ACOT4: variants seen among roughly 807,000 people sequenced by gnomAD.
ACOT4 encodes acyl-CoA thioesterase 4.
Under a neutral mutation model 17.1 loss-of-function variants are expected in ACOT4, and 18 were observed. The ratio of observed to expected loss-of-function variants is 1.05; its 90% CI spans 0.73 to 1.56. ACOT4 has a LOEUF of 1.56. ACOT4 is among the 40% of genes most tolerant of loss of function. The probability of loss-of-function intolerance (pLI) is 0.00; values close to 1 mark genes in which losing one functional copy is unlikely to be tolerated. For synonymous variants in ACOT4, 234 were observed against 236.6 expected, an observed-to-expected ratio of 0.99 and a Z score of 0.10; for missense variants, 574 against 557.2, an observed-to-expected ratio of 1.03 and a Z score of -0.30.
chr14:73,592,659 A>C (rs4899472), intron 1 of ACOT4, among the ~76,000 whole-genome samples: 121,926 of 152,026 alleles, frequency 0.8, 49,731 homozygotes, highest in African/African-American at 0.95. Flanking sequence ...TTGAGACCAG[A>C]CTGGCCAGCA....
rs1420256731 is a variant in ACOT4 at position 73,592,403 on chromosome 14, C to G, written c.444C>G (p.Leu148=). Residue 148 remains leucine, a synonymous_variant, in exon 1 of 3, where the codon CTC becomes CTG. Coordinates refer to ENST00000326303, the MANE Select transcript of ACOT4 (RefSeq NM_152331.4). ...GAGCGGGCCGGGTGCGCGCCACGCT[C>G]TTCCTGCCGCCAGGTGAGCCAGGCT... ...SVRAGRVRAT[L]FLPPGPGPFP... is the part of the protein sequence containing the mutation. 1 of 1,531,578 alleles carries G rather than the reference C, an allele frequency of 6.5e-7. No individual in the cohort carries two copies. The highest frequency in any genetic ancestry group is 1.4e-5 in the African/African-American group (1 of 72,246). The allele number at this position is 1,531,578 out of a possible 1,614,324, so 94.9% of individuals were successfully genotyped here.
chr14:73,592,230 T>C lies in ACOT4; in HGVS notation c.271T>C (p.Trp91Arg). ...LWALEPEKPFWRFLKRDVQIP... is the reference protein window; with the variant it reads ...LWALEPEKPFRRFLKRDVQIP... Reference sequence around the variant, plus strand: ...GGCCCTGGAACCCGAGAAGCCTTTTTGGCGCTTCCTGAAGCGGGACGTACA... The same window carrying C: ...GGCCCTGGAACCCGAGAAGCCTTTTCGGCGCTTCCTGAAGCGGGACGTACA... Residue 91 changes from tryptophan (W) to arginine (R), a missense_variant, in exon 1 of 3, where the codon TGG (tryptophan) becomes CGG (arginine). Transcript: ENST00000326303. The C allele has an allele frequency of 6.2e-7, 1 of 1,613,192 alleles. No individual in the cohort carries two copies. Among genetic ancestry groups the C allele is most frequent in the East Asian group, 2.2e-5 (1 of 44,842 alleles).
At chr14:73,592,564 G>T in intron 1 of ACOT4, 148 bp downstream of exon 1, 1 of 1,047,210 alleles carries the variant, frequency 9.5e-7, no homozygotes, top group Non-Finnish European at 1.3e-6. Flanking sequence ...CAAAATAGAG[G>T]GTTTGGTACC....
At position 73,592,306 on chromosome 14, in the gene ACOT4, C is replaced by T. The variant is rs552405726; in HGVS notation, c.347C>T (p.Pro116Leu). ...LEVLDGHDPE[P>L]GRLLCQAQHE... ...GTGCTGGACGGCCACGACCCCGAGC[C>T]TGGACGGCTGCTGTGCCAGGCGCAG... The change falls in exon 1 of 3, where the codon CCT (proline) becomes CTT (leucine). Residue 116 changes from proline (P) to leucine (L), a missense_variant. By Grantham distance (98) the Pro-to-Leu change is moderately conservative. Coordinates refer to ENST00000326303, the MANE Select transcript of ACOT4 (RefSeq NM_152331.4). 1.1e-5 allele frequency: 18 copies of T among 1,611,462 alleles called. No individual in the cohort carries two copies. In the African/African-American group the frequency reaches 1.7e-4, roughly 16 times the overall value.
Position 73,594,962 on chromosome 14 carries a change from C to T in ACOT4, c.661-87C>T, listed in dbSNP as rs1225667413. On this transcript the variant is annotated intron_variant, in intron 2 of 2. Coordinates refer to ENST00000326303, the MANE Select transcript of ACOT4 (RefSeq NM_152331.4). ...TCAAGTGATCCGCCCGCCTCCGCCT[C>T]GCAGAGTGTTGGGATTACAGGCATG... 5.3e-6 allele frequency: 8 copies of T among 1,509,084 alleles called. No homozygotes were observed. In the East Asian group the frequency reaches 9.1e-5, roughly 17 times the overall value. The allele number at this position is 1,509,084 out of a possible 1,614,324, so 93.5% of individuals were successfully genotyped here. A position where few individuals can be genotyped will look rare whatever the true frequency, so the allele number is the denominator to read the frequency against.
In ACOT4 at chr14:73,591,987, C is replaced by T. The variant is rs1158083255; in HGVS notation, c.28C>T (p.Pro10Ser). 1 of 1,415,996 alleles carries T rather than the reference C, an allele frequency of 7.1e-7. No individual in the cohort carries two copies. The highest frequency in any genetic ancestry group is 9.2e-7 in the Non-Finnish European group (1 of 1,086,958). 87.7% of individuals were successfully genotyped at this position (1,415,996 alleles called of 1,614,324 possible). Residue 10 changes from proline (P) to serine (S), a missense_variant, in exon 1 of 3, where the codon CCA becomes TCA. Physicochemically the swap from Pro to Ser is moderately conservative, Grantham distance 74. Coordinates refer to ENST00000326303, the MANE Select transcript of ACOT4 (RefSeq NM_152331.4). MSATLILEP[P>S]GRCCWNEPVR... ...GTCAGCAACGCTGATCCTGGAGCCCCCAGGCCGCTGCTGCTGGAACGAGCC... is the reference window on the plus strand; with the variant it reads ...GTCAGCAACGCTGATCCTGGAGCCCTCAGGCCGCTGCTGCTGGAACGAGCC...
In ACOT4 at chr14:73,595,114, C is replaced by T. The variant is rs1243618296; in HGVS notation, c.726C>T (p.Ala242=). 6.2e-7 allele frequency: 1 copy of T among 1,614,176 alleles called. No homozygotes were observed. The change falls in exon 3 of 3, where the codon GCC becomes GCT. Residue 242 remains alanine, a synonymous_variant. Transcript: ENST00000326303. ...SLGADICLSM[A]SFLKNVSATV... ...GAGCTGATATTTGTCTCTCAATGGC[C>T]TCATTCTTGAAGAATGTCTCAGCCA...
rs1890192883 is a variant in ACOT4 at position 73,593,631 on chromosome 14, CA to C, written c.458-70del. 6 of 1,421,456 alleles carry C rather than the reference CA, an allele frequency of 4.2e-6. No homozygotes were observed. The South Asian group carries it at 8.1e-5, about 19-fold the overall frequency. 88.1% of individuals were successfully genotyped at this position (1,421,456 alleles called of 1,614,324 possible). ...GTGCTGAGATTACAAGCATGAACCACAGTGTCCAGCCAGGAAAGCAAATTCT... is the reference window on the plus strand; with the variant it reads ...GTGCTGAGATTACAAGCATGAACCACGTGTCCAGCCAGGAAAGCAAATTCT... On this transcript the variant is annotated intron_variant, in intron 1 of 2. Coordinates refer to ENST00000326303, the MANE Select transcript of ACOT4 (RefSeq NM_152331.4).
In ACOT4 at chr14:73,591,965, A is replaced by G; in HGVS notation, c.6A>G (p.Ser2=). The change falls in exon 1 of 3, where the codon TCA becomes TCG. Residue 2 remains serine (S), a synonymous_variant. Transcript: ENST00000326303. The part of the protein sequence containing the change: M[S]ATLILEPPGR... ...TTCCCCGCTCCGGCTCCAAGATGTC[A>G]GCAACGCTGATCCTGGAGCCCCCAG... The G allele has an allele frequency of 6.5e-6, 9 of 1,383,274 alleles. No individual in the cohort carries two copies. The highest frequency in any genetic ancestry group is 8.4e-6 in the Non-Finnish European group (9 of 1,069,474). 85.7% of individuals were successfully genotyped at this position (1,383,274 alleles called of 1,614,324 possible).
In ACOT4 at chr14:73,592,128, C is replaced by T. The variant is rs3742819; in HGVS notation, c.169C>T (p.Arg57Cys). 0.38 allele frequency: 595,550 copies of T among 1,559,768 alleles called. 118,929 individuals carry two copies. The highest frequency in any genetic ancestry group is 0.66 in the East Asian group (27,223 of 41,078). Reference protein sequence around the residue: ...RAHARYCADARGELDLERAPA... With the variant: ...RAHARYCADACGELDLERAPA... ...CCACGCGCGCTACTGCGCCGACGCC[C>T]GCGGCGAGCTGGACCTGGAGCGCGC... The change falls in exon 1 of 3, where the codon CGC becomes TGC. Residue 57 changes from arginine to cysteine, a missense_variant. By Grantham distance (180) the Arg-to-Cys change is radical (BLOSUM62 -3). Coordinates refer to ENST00000326303, the MANE Select transcript of ACOT4 (RefSeq NM_152331.4).
In ACOT4 at chr14:73,595,256, G is replaced by A. The variant is rs368483167; in HGVS notation, c.868G>A (p.Val290Met). The A allele has an allele frequency of 1.6e-5, 26 of 1,614,024 alleles. No individual in the cohort carries two copies. The highest frequency in any genetic ancestry group is 9.9e-5 in the South Asian group (9 of 91,086). ...AATCAAGGTAGCTTTCTCAGGCCTC[G>A]TGGACATTGTGGATATAAGGAATGC... ...RRIKVAFSGL[V>M]DIVDIRNALV... Residue 290 changes from valine to methionine, a missense_variant, in exon 3 of 3, where the codon GTG becomes ATG. Coordinates refer to ENST00000326303, the MANE Select transcript of ACOT4 (RefSeq NM_152331.4).
chr14:73,593,817 T>A lies in ACOT4; in HGVS notation c.573T>A (p.Tyr191Ter). 1 of 1,614,116 alleles carries A rather than the reference T, an allele frequency of 6.2e-7. No individual in the cohort carries two copies. The highest frequency in any genetic ancestry group is 8.5e-7 in the Non-Finnish European group (1 of 1,179,962). The change falls in exon 2 of 3, where the codon TAT becomes TAA. Residue 191 changes from tyrosine (Y) to a stop codon, truncating the protein, a stop_gained. Coordinates refer to ENST00000326303, the MANE Select transcript of ACOT4 (RefSeq NM_152331.4). LOFTEE classifies it high-confidence loss of function. ...TTGCCACGTTGGCTCTAGCTTATTA[T>A]AACTTTGAAGATCTCCCCAATAACA... ...HGFATLALAYYNFEDLPNNMD... is the reference protein window; with the variant it reads ...HGFATLALAY
chr14:73,595,641 T>C lies in ACOT4; in HGVS notation c.1253T>C (p.Val418Ala), dbSNP rs1890235465. Residue 418 changes from valine to alanine, a missense_variant, in exon 3 of 3, where the codon GTC becomes GCC. Coordinates refer to ENST00000326303, the MANE Select transcript of ACOT4 (RefSeq NM_152331.4). ...KHLGGTQKTA[V>A]PKL Reference sequence around the variant, plus strand: ...CTGGGAGGTACCCAGAAAACAGCTGTCCCTAAATTGTAATGCATTTGTCTG... The same window carrying C: ...CTGGGAGGTACCCAGAAAACAGCTGCCCCTAAATTGTAATGCATTTGTCTG... 5 of 1,521,196 alleles carry C rather than the reference T, an allele frequency of 3.3e-6. No individual in the cohort carries two copies. In the East Asian group the frequency reaches 9.1e-5, roughly 28 times the overall value. 94.2% of individuals were successfully genotyped at this position (1,521,196 alleles called of 1,614,324 possible).
At chr14:73,593,214 G>T (rs1890183539) in intron 1 of ACOT4, among the ~76,000 whole-genome samples, 1 of 151,858 alleles carries the variant, frequency 6.6e-6, no homozygotes, top group South Asian at 2.1e-4. Flanking sequence ...ACCATCTCTG[G>T]GTATTTCTTT....
intron 1 of ACOT4, among the ~76,000 whole-genome samples, chr14:73,592,682 G>A (rs1890175804): frequency 6.6e-6 from 1 of 152,048 alleles, no homozygotes; most frequent in Admixed American, 6.6e-5. Flanking sequence ...GTGAAACGCT[G>A]ACTCTACCGA....
rs77814755 is a variant in ACOT4 at position 73,593,813 on chromosome 14, A to G, written c.569A>G (p.Tyr190Cys). The G allele has an allele frequency of 9.3e-7, 1 of 1,073,186 alleles. No individual in the cohort carries two copies. Among genetic ancestry groups the G allele is most frequent in the Non-Finnish European group, 1.4e-6 (1 of 724,334 alleles). The allele number at this position is 1,073,186 out of a possible 1,614,324, so 66.5% of individuals were successfully genotyped here. A position where few individuals can be genotyped will look rare whatever the true frequency, so the allele number is the denominator to read the frequency against. The change falls in exon 2 of 3, where the codon TAT (tyrosine) becomes TGT (cysteine). Residue 190 changes from tyrosine to cysteine, a missense_variant. Coordinates refer to ENST00000326303, the MANE Select transcript of ACOT4 (RefSeq NM_152331.4). Reference sequence around the variant, plus strand: ...GGCTTTGCCACGTTGGCTCTAGCTTATTATAACTTTGAAGATCTCCCCAAT... The same window carrying G: ...GGCTTTGCCACGTTGGCTCTAGCTTGTTATAACTTTGAAGATCTCCCCAAT... ...GHGFATLALA[Y>C]YNFEDLPNNM...
At chr14:73,594,374 T>C (rs1890211394) in intron 2 of ACOT4, among the ~76,000 whole-genome samples, 1 of 152,214 alleles carries the variant, frequency 6.6e-6, no homozygotes, top group Non-Finnish European at 1.5e-5. Context: ...ATTGGATGCA[T>C]TGCCACATGA....
Position 73,593,716 on chromosome 14 carries a change from C to T in ACOT4, c.472C>T (p.Pro158Ser). The T allele has an allele frequency of 6.2e-7, 1 of 1,611,626 alleles. No individual in the cohort carries two copies. The highest frequency in any genetic ancestry group is 8.5e-7 in the Non-Finnish European group (1 of 1,178,592). The change falls in exon 2 of 3, where the codon CCA (proline) becomes TCA (serine). Residue 158 changes from proline (P) to serine (S), a missense_variant. Transcript: ENST00000326303. ...TTGTTCTCTAGGACCTGGACCCTTCCCAGGGATCATTGACATCTTTGGTAT... is the reference window on the plus strand; with the variant it reads ...TTGTTCTCTAGGACCTGGACCCTTCTCAGGGATCATTGACATCTTTGGTAT... ...LFLPPGPGPF[P>S]GIIDIFGIGG...
rs1403950905 is a variant in ACOT4 at position 73,595,182 on chromosome 14, T to C, written c.794T>C (p.Ile265Thr). The C allele has an allele frequency of 6.8e-6, 11 of 1,614,192 alleles. No homozygotes were observed. Among genetic ancestry groups the C allele is most frequent in the Non-Finnish European group, 9.3e-6 (11 of 1,180,030 alleles). Residue 265 changes from isoleucine to threonine, a missense_variant, in exon 3 of 3, where the codon ATC (isoleucine) becomes ACC (threonine). Physicochemically the swap from Ile to Thr is moderately conservative, Grantham distance 89. Coordinates refer to ENST00000326303, the MANE Select transcript of ACOT4 (RefSeq NM_152331.4). ...NGSGISGNTAINYKHSSIPPL... is the reference protein window; with the variant it reads ...NGSGISGNTATNYKHSSIPPL... ...TCTGGGATCAGTGGGAACACAGCCA[T>C]CAACTATAAGCACAGTAGCATTCCA...
Sources: gnomAD v4.1 joint callset for allele counts (sites outside exome capture counted in the v4.1 genomes callset) on GRCh38, gnomAD v4.1.1 for gene constraint, MANE v1.5 for transcripts, NCBI Gene and HGNC (gene_info 2026-07-23, HGNC 2026-07-21) for gene names.